ZNF462: variants seen among roughly 807,000 people sequenced by gnomAD.
ZNF462 encodes the protein zinc finger PBX1-interacting protein.
In ZNF462, 10 loss-of-function variants were observed where a neutral mutation model predicts 201.9. The observed-to-expected ratio is 0.05, with a 90% CI of 0.03 to 0.08. ZNF462 has a LOEUF of 0.08. ZNF462 is among the 10% of genes least tolerant of loss of function. The pLI is 1.00. For missense variants in ZNF462, 2,523 were observed against 3,168.3 expected (o/e 0.80, Z 4.89); for synonymous variants, 1,227 against 1,193.3 (o/e 1.03, Z -0.58).
rs1296544142 is a variant in ZNF462 at position 106,972,209 on chromosome 9, G to A, written c.6632G>A (p.Arg2211Gln). ...GYIQSIRRHY[R>Q]DKHGGKKLFK... is the part of the protein sequence containing the mutation. ...ATCCAGAGCATCAGGCGTCATTACC[G>A]GGACAAGCATGGTGGGAAGAAGCTT... Residue 2211 changes from arginine to glutamine, a missense_variant, in exon 8 of 13, where the codon CGG becomes CAG. Arg to Gln is a conservative substitution (Grantham distance 43, BLOSUM62 1). Transcript: ENST00000277225. This position sits in a 1 kb window ranked among gnomAD's most constrained non-coding sequence, Gnocchi z 4.8. 5 of 1,614,078 alleles carry A rather than the reference G, an allele frequency of 3.1e-6. No homozygotes were observed. Among genetic ancestry groups the A allele is most frequent in the East Asian group, 2.2e-5 (1 of 44,874 alleles).
At chr9:106,990,067 A>G (rs994384011) in intron 10 of ZNF462, among the ~76,000 whole-genome samples, 1 of 151,316 alleles carries the variant, frequency 6.6e-6, no homozygotes, top group Non-Finnish European at 1.5e-5. Flanking sequence ...GATCTTGGTG[A>G]TTTCCCTTAA....
At chr9:106,943,059 C>CGCGCGCGCGCGCGTGT (rs374167214) in intron 7 of ZNF462, among the ~76,000 whole-genome samples, 3 of 143,154 alleles carry the variant, frequency 2.1e-5, no homozygotes, top group African/African-American at 7.9e-5. Flanking sequence ...TTTGCGCGCG[C>CGCGCGCGCGCGCGTGT]GTGTGTGTGT....
intron 1 of ZNF462, among the ~76,000 whole-genome samples, chr9:106,869,106 A>G (rs778007548): frequency 1.3e-5 from 2 of 152,124 alleles, no homozygotes; most frequent in African/African-American, 4.8e-5. Flanking sequence ...GTGTGAGTCT[A>G]TTGCAACTTA....
intron 11 of ZNF462, among the ~76,000 whole-genome samples, chr9:107,007,340 T>A (rs1221812460): frequency 1.3e-5 from 2 of 152,182 alleles, no homozygotes; most frequent in African/African-American, 4.8e-5. Flanking sequence ...TTACCCTACT[T>A]GGCAGCCCCC....
chr9:106,925,396 C>T lies in ZNF462; in HGVS notation c.1484C>T (p.Thr495Ile). Residue 495 changes from threonine (T) to isoleucine (I), a missense_variant, in exon 3 of 13, where the codon ACA becomes ATA. Thr to Ile is a moderately conservative substitution (Grantham distance 89, BLOSUM62 -1). Around this residue, in one of 15 missense-constraint regions of ZNF462, gnomAD observed 383 missense variants for 453.4 expected, o/e 0.84. Coordinates refer to ENST00000277225, the MANE Select transcript of ZNF462 (RefSeq NM_021224.6). The surrounding 1 kb of genome is among the most constrained non-coding windows in gnomAD (Gnocchi z 7.9). ...GCTCACAAACAGTGTCACACGGGTACAACGTCAGATTGGGATGCTGTGAAT... is the reference window on the plus strand; with the variant it reads ...GCTCACAAACAGTGTCACACGGGTATAACGTCAGATTGGGATGCTGTGAAT... Reference protein sequence around the residue: ...LGAHKQCHTGTTSDWDAVNSQ... With the variant: ...LGAHKQCHTGITSDWDAVNSQ... The T allele has an allele frequency of 6.2e-7, 1 of 1,614,176 alleles. No individual in the cohort carries two copies. The highest frequency in any genetic ancestry group is 8.5e-7 in the Non-Finnish European group (1 of 1,180,032).
chr9:106,963,620 G>A lies in ZNF462; in HGVS notation c.6428-8385G>A, dbSNP rs529840941. On this transcript the variant is annotated intron_variant, in intron 7 of 12. Coordinates refer to ENST00000277225, the MANE Select transcript of ZNF462 (RefSeq NM_021224.6). This position sits in a 1 kb window ranked among gnomAD's most constrained non-coding sequence, Gnocchi z 4.7. ...TTAAGTATTTATGGTGATAATTAAAGTTTATGAAGTTTGTAAGGAACCTAA... is the reference window on the plus strand; with the variant it reads ...TTAAGTATTTATGGTGATAATTAAAATTTATGAAGTTTGTAAGGAACCTAA... Among the ~76,000 whole-genome samples, 1 of 152,134 alleles carries A rather than the reference G, an allele frequency of 6.6e-6. No individual in the cohort carries two copies. Among genetic ancestry groups the A allele is most frequent in the Non-Finnish European group, 1.5e-5 (1 of 67,972 alleles).
intron 7 of ZNF462, among the ~76,000 whole-genome samples, chr9:106,944,002 A>G (rs1007263630): frequency 3.3e-5 from 5 of 152,182 alleles, no homozygotes; most frequent in African/African-American, 9.6e-5. Context: ...AAATATTGTC[A>G]TTGTTCCCTG....
chr9:106,990,760 T>C (rs527835377), intron 10 of ZNF462, among the ~76,000 whole-genome samples: 25 of 152,144 alleles, frequency 1.6e-4, no homozygotes, highest in African/African-American at 5.5e-4. Context: ...TGCTTATTAC[T>C]GAGATAGCAG....
intron 7 of ZNF462, among the ~76,000 whole-genome samples, chr9:106,965,201 T>C (rs562768127): frequency 5.3e-5 from 8 of 152,152 alleles, no homozygotes; most frequent in Admixed American, 5.2e-4. Context: ...GAAAGCACAC[T>C]GGTGGCGTTG....
In ZNF462 at chr9:106,927,283, G is replaced by C; in HGVS notation, c.3371G>C (p.Arg1124Pro). 3 of 1,598,112 alleles carry C rather than the reference G, an allele frequency of 1.9e-6. No individual in the cohort carries two copies. Among genetic ancestry groups the C allele is most frequent in the Non-Finnish European group, 2.6e-6 (3 of 1,175,980 alleles). The change falls in exon 3 of 13, where the codon CGG (arginine) becomes CCG (proline). Residue 1124 changes from arginine (R) to proline (P), a missense_variant. Arg to Pro is a moderately radical substitution (Grantham distance 103). This residue lies in a region of ZNF462 where 280 missense variants were observed against 321.3 expected (regional missense o/e 0.87). Transcript: ENST00000277225. ...TGCAAACACTGTTCCTACAGCAATC[G>C]GTCAGTTGTGGGAGTGCTTGTCCAC... ...YYCKHCSYSN[R>P]SVVGVLVHYQ...
chr9:106,947,178 G>C (rs1434127454), intron 7 of ZNF462, among the ~76,000 whole-genome samples: 3 of 152,190 alleles, frequency 2.0e-5, no homozygotes, highest in Non-Finnish European at 2.9e-5. Flanking sequence ...TTTGCAAACA[G>C]TTTCCGAGTC....
chr9:106,886,882 G>A lies in ZNF462; in HGVS notation c.-31+23527G>A, dbSNP rs1458943628. On this transcript the variant is annotated intron_variant, in intron 1 of 12. Transcript: ENST00000277225. The surrounding 1 kb of genome is among the most constrained non-coding windows in gnomAD (Gnocchi z 4.6). ...TGCCTTGTCTAGGCTTGTTGGAAAA[G>A]AGTGTGGAGATCAAGCAGAGAAGTC... Among the ~76,000 whole-genome samples, 1 of 152,116 alleles carries A rather than the reference G, an allele frequency of 6.6e-6. No homozygotes were observed. Among genetic ancestry groups the A allele is most frequent in the Admixed American group, 6.5e-5 (1 of 15,284 alleles).
rs1828174451 is a variant in ZNF462 at position 106,883,124 on chromosome 9, A to G, written c.-31+19769A>G. ...CCTTCTAGGTATTAGGTGACCTTGC[A>G]GTATTAAAGAAACCCATGGGTCCTG... On this transcript the variant is annotated intron_variant, in intron 1 of 12. Coordinates refer to ENST00000277225, the MANE Select transcript of ZNF462 (RefSeq NM_021224.6). This position sits in a 1 kb window ranked among gnomAD's most constrained non-coding sequence, Gnocchi z 4.9. Among the ~76,000 whole-genome samples the G allele has an allele frequency of 6.6e-6, 1 of 152,224 alleles. No individual in the cohort carries two copies. Among genetic ancestry groups the G allele is most frequent in the Non-Finnish European group, 1.5e-5 (1 of 68,034 alleles).
chr9:107,013,492 T>C lies in ZNF462; in HGVS notation c.*2462T>C, dbSNP rs1035295488. The C allele has an allele frequency of 1.3e-5, 2 of 152,144 alleles. No homozygotes were observed. Among genetic ancestry groups the C allele is most frequent in the African/African-American group, 4.8e-5 (2 of 41,450 alleles). The allele number at this position is 152,144 out of a possible 1,614,324, so 9.4% of individuals were successfully genotyped here. A position where few individuals can be genotyped will look rare whatever the true frequency, so the allele number is the denominator to read the frequency against. ...GTGTTTCCCAATACTTCATAAGAGA[T>C]AGGGAGACCCTGAGTCCTTGAAGCC... On this transcript the variant is annotated 3_prime_UTR_variant, in exon 13 of 13. Transcript: ENST00000277225.
intron 1 of ZNF462, among the ~76,000 whole-genome samples, chr9:106,887,668 T>C (rs998026221): frequency 5.9e-5 from 9 of 152,230 alleles, no homozygotes; most frequent in Admixed American, 3.3e-4. Context: ...TATACATCTA[T>C]TTCTTTCCTT....
chr9:106,932,574 GTGGTT>G lies in ZNF462; in HGVS notation c.6116+26_6116+30del, dbSNP rs1830468369. Reference sequence around the variant, plus strand: ...AGTAAGTGCTATTGGGGGGTCACTAGTGGTTACTGGGAGATGATGTCATAGTGGAA... The same window carrying G: ...AGTAAGTGCTATTGGGGGGTCACTAGACTGGGAGATGATGTCATAGTGGAA... On this transcript the variant is annotated intron_variant, in intron 5 of 12. Coordinates refer to ENST00000277225, the MANE Select transcript of ZNF462 (RefSeq NM_021224.6). This position sits in a 1 kb window ranked among gnomAD's most constrained non-coding sequence, Gnocchi z 6.8. 3 of 1,614,040 alleles carry G rather than the reference GTGGTT, an allele frequency of 1.9e-6. No individual in the cohort carries two copies. Among genetic ancestry groups the G allele is most frequent in the Non-Finnish European group, 2.5e-6 (3 of 1,180,024 alleles).
intron 1 of ZNF462, among the ~76,000 whole-genome samples, chr9:106,882,784 A>T (rs1828156522): frequency 6.6e-6 from 1 of 152,206 alleles, no homozygotes; most frequent in South Asian, 2.1e-4. Context: ...AAAGAGGAAG[A>T]CAGGTCTTTT....
At position 106,923,043 on chromosome 9, in the gene ZNF462, C is replaced by T. The variant is rs958731405; in HGVS notation, c.-30-311C>T. On this transcript the variant is annotated intron_variant, in intron 1 of 12. Coordinates refer to ENST00000277225, the MANE Select transcript of ZNF462 (RefSeq NM_021224.6). This position sits in a 1 kb window ranked among gnomAD's most constrained non-coding sequence, Gnocchi z 5.6. The stretch of plus-strand genomic sequence containing the variant: ...ATTAAGTTACCAAGAAATTTGGATT[C>T]AGTGGAGAAGCTCAGAAACTTCTAA... Among the ~76,000 whole-genome samples, 1 of 152,212 alleles carries T rather than the reference C, an allele frequency of 6.6e-6. No homozygotes were observed. The highest frequency in any genetic ancestry group is 1.5e-5 in the Non-Finnish European group (1 of 68,032).
chr9:106,873,982 A>T (rs1827715392), intron 1 of ZNF462, among the ~76,000 whole-genome samples: 1 of 152,210 alleles, frequency 6.6e-6, no homozygotes, highest in African/African-American at 2.4e-5. Context: ...TCGTAGAAGG[A>T]TAAACACATG....
Sources: gnomAD v4.1 joint callset for allele counts (sites outside exome capture counted in the v4.1 genomes callset) on GRCh38, gnomAD v4.1.1 for gene constraint, gnomAD v4.1.1 regional missense constraint, Gnocchi (gnomAD v3.1) non-coding constraint, MANE v1.5 for transcripts, NCBI Gene and HGNC (gene_info 2026-07-23, HGNC 2026-07-21) for gene names.